The following DCHS2 variants were observed in gnomAD, a reference collection of about 807,000 sequenced individuals.
DCHS2 encodes the protein protocadherin-23.
DCHS2 carries 142 observed loss-of-function variants against 182.4 expected under a neutral mutation model. That is an observed-to-expected ratio of 0.78 (90% CI 0.68 to 0.89). DCHS2 has a LOEUF of 0.89. Among genes scored for constraint, DCHS2 ranks in the 40% least tolerant of loss-of-function variants. The probability of loss-of-function intolerance (pLI) is 0.00; values close to 1 mark genes in which losing one functional copy is unlikely to be tolerated. For synonymous variants in DCHS2, 1,740 were observed against 1,663.3 expected (o/e 1.05, Z -1.12); for missense variants, 4,319 against 4,198.6 (o/e 1.03, Z -0.79).
chr4:154,369,925 C>A (rs539738055), intron 2 of DCHS2, among the ~76,000 whole-genome samples: 3 of 152,178 alleles, frequency 2.0e-5, no homozygotes, highest in Non-Finnish European at 2.9e-5. Context: ...AGGTAGGGAA[C>A]ATTTTCTACC....
intron 1 of DCHS2, among the ~76,000 whole-genome samples, chr4:154,465,984 G>A (rs1296116035): frequency 6.6e-6 from 1 of 152,132 alleles, no homozygotes; most frequent in African/African-American, 2.4e-5. Flanking sequence ...GGCTTTAAAA[G>A]CTGTATATTT....
chr4:154,420,150 A>T (rs1733041845), intron 1 of DCHS2, among the ~76,000 whole-genome samples: 1 of 152,044 alleles, frequency 6.6e-6, no homozygotes, highest in South Asian at 2.1e-4. Flanking sequence ...TTAGAGGTAG[A>T]TTTGATGGGC....
chr4:154,319,656 TAAAAAA>T (rs59154846), intron 9 of DCHS2, among the ~76,000 whole-genome samples: 1,631 of 116,952 alleles, frequency 0.014, 11 homozygotes, highest in Non-Finnish European at 0.021. Flanking sequence ...TGGCTGTTAC[TAAAAAA>T]AAAAAAAAAA....
At chr4:154,352,707 T>G (rs1301422207) in intron 3 of DCHS2, among the ~76,000 whole-genome samples, 1 of 152,202 alleles carries the variant, frequency 6.6e-6, no homozygotes, top group Non-Finnish European at 1.5e-5. Context: ...CATAAATGCT[T>G]CAATAAATTG....
At chr4:154,323,394 A>G (rs1736156658) in intron 7 of DCHS2, 4 of 1,534,898 alleles carry the variant, frequency 2.6e-6, no homozygotes, top group Admixed American at 2.0e-5. Flanking sequence ...CAATTGTGCC[A>G]TGATAGCTCA....
At chr4:154,339,919 G>A (rs1480985195) in intron 3 of DCHS2, among the ~76,000 whole-genome samples, 2 of 152,234 alleles carry the variant, frequency 1.3e-5, no homozygotes, top group East Asian at 1.9e-4. Context: ...GAAAGGATAG[G>A]AACTGTTAAG....
intron 7 of DCHS2, 58 bp downstream of exon 7, chr4:154,328,035 G>T: frequency 1.6e-6 from 2 of 1,272,146 alleles, no homozygotes; most frequent in Non-Finnish European, 2.2e-6. Context: ...GGGGATAGTT[G>T]ATAAATGAAA....
In DCHS2 at chr4:154,490,705, T is replaced by C. The variant is rs757249542; in HGVS notation, c.651A>G (p.Ala217=). The C allele has an allele frequency of 3.2e-6, 5 of 1,551,584 alleles. No homozygotes were observed. In the South Asian group the frequency reaches 4.8e-5, roughly 15 times the overall value. The change falls in exon 1 of 20, where the codon GCA becomes GCG. Residue 217 remains alanine (A), a synonymous_variant. Coordinates refer to ENST00000357232, the MANE Select transcript of DCHS2 (RefSeq NM_001358235.2). ...GGTAGCGCAACTGGAAGAACGGGCC[T>C]GCGGGGTCCTTGGGCAGGTCGGACG... ...VQPSDLPKDP[A]GPFFQLRYRT... is the part of the protein sequence containing the mutation.
rs570425981 is a variant in DCHS2, at chr4:154,270,162, T to C, written c.6464-149A>G. 1.8e-5 allele frequency: 19 copies of C among 1,036,562 alleles called. No individual in the cohort carries two copies. In the African/African-American group the frequency reaches 3.1e-4, roughly 17 times the overall value. 64.2% of individuals were successfully genotyped at this position (1,036,562 alleles called of 1,614,324 possible). A position where few individuals can be genotyped will look rare whatever the true frequency, so the allele number is the denominator to read the frequency against. On this transcript the variant is annotated intron_variant, in intron 13 of 19. Transcript: ENST00000357232. ...AACTTATTGTCTTCAATGAGCCAGA[T>C]CCCATGCTAGGTGCTAGGGATATAC...
intron 1 of DCHS2, among the ~76,000 whole-genome samples, chr4:154,441,456 G>A (rs551972002): frequency 1.3e-5 from 2 of 152,190 alleles, no homozygotes; most frequent in East Asian, 3.9e-4. Context: ...CACACAGTAT[G>A]CAAAATATTT....
chr4:154,489,237 G>T, intron 1 of DCHS2, 67 bp downstream of exon 1: 1 of 1,300,904 alleles, frequency 7.7e-7, no homozygotes. Flanking sequence ...AATTTCCTAG[G>T]CCAACTCACA....
chr4:154,471,902 T>C (rs904440207), intron 1 of DCHS2, among the ~76,000 whole-genome samples: 2 of 152,108 alleles, frequency 1.3e-5, no homozygotes, highest in African/African-American at 4.8e-5. Flanking sequence ...AGGTCGGTGA[T>C]TTGAACACTG....
At position 154,377,268 on chromosome 4, in the gene DCHS2, C is replaced by T. The variant is rs1730946038; in HGVS notation, c.2229G>A (p.Val743=). The part of the protein sequence containing the change: ...ERDPATYDLL[V]EAKDGGGLSA... ...AAAAACTTACCCCATCCTTAGCTTC[C>T]ACCAGGAGATCATAGGTAGCTGGAT... Residue 743 remains valine (V), a synonymous_variant, in exon 2 of 20, where the codon GTG becomes GTA. Coordinates refer to ENST00000357232, the MANE Select transcript of DCHS2 (RefSeq NM_001358235.2). 1 of 1,613,186 alleles carries T rather than the reference C, an allele frequency of 6.2e-7. No homozygotes were observed. The highest frequency in any genetic ancestry group is 1.1e-5 in the South Asian group (1 of 90,924).
At chr4:154,392,472 G>A (rs1335454342) in intron 1 of DCHS2, among the ~76,000 whole-genome samples, 1 of 152,174 alleles carries the variant, frequency 6.6e-6, no homozygotes, top group Non-Finnish European at 1.5e-5. Context: ...GGCAAAGTGA[G>A]TAAGTTCACA....
chr4:154,432,902 T>C (rs1733616154), intron 1 of DCHS2, among the ~76,000 whole-genome samples: 2 of 152,184 alleles, frequency 1.3e-5, no homozygotes, highest in Admixed American at 1.3e-4. Context: ...CTTCAGCTTC[T>C]AGAGGGAAGG....
intron 1 of DCHS2, among the ~76,000 whole-genome samples, chr4:154,476,502 A>G (rs1735688320): frequency 6.6e-6 from 1 of 152,230 alleles, no homozygotes; most frequent in Non-Finnish European, 1.5e-5. Context: ...AAGCTGTAAG[A>G]ACATGAAAGA....
At chr4:154,391,190 T>G (rs1175570398) in intron 1 of DCHS2, 42 of 1,612,844 alleles carry the variant, frequency 2.6e-5, no homozygotes, top group South Asian at 6.6e-5. Context: ...TGGAATTTAT[T>G]TTCACATACA....
chr4:154,490,765 T>G lies in DCHS2; in HGVS notation c.591A>C (p.Gly197=). The G allele has an allele frequency of 3.9e-6, 6 of 1,551,504 alleles. No homozygotes were observed. The South Asian group carries it at 7.1e-5, about 18-fold the overall frequency. ...GGGTGTAGCCCTGAGTGCTGAACAG[T>G]CCGGCGTCCGGATCGTGGGCAACTG... is the stretch of plus-strand genomic sequence containing the variant. ...RLPVAHDPDA[G]LFSTQGYTLV... Residue 197 remains glycine, a synonymous_variant, in exon 1 of 20, where the codon GGA becomes GGC. Coordinates refer to ENST00000357232, the MANE Select transcript of DCHS2 (RefSeq NM_001358235.2).
chr4:154,434,928 T>C (rs774929684), intron 1 of DCHS2, among the ~76,000 whole-genome samples: 3 of 152,150 alleles, frequency 2.0e-5, no homozygotes, highest in Non-Finnish European at 4.4e-5. Context: ...TCTGGGAAAC[T>C]GTCACAGACC....
Sources: allele counts gnomAD v4.1 joint callset (sites outside exome capture counted in the v4.1 genomes callset), GRCh38; gene constraint gnomAD v4.1.1; transcripts MANE v1.5; gene names NCBI Gene and HGNC (gene_info 2026-07-23, HGNC 2026-07-21).